ETFB: variants seen among roughly 807,000 people sequenced by gnomAD.
ETFB encodes beta-ETF.
Under a neutral mutation model 25.6 loss-of-function variants are expected in ETFB, and 20 were observed. That is an observed-to-expected ratio of 0.78 (90% CI 0.55 to 1.14). The LOEUF is 1.14. ETFB is among the 50% of genes most tolerant of loss of function. The pLI is 0.00. For missense variants in ETFB, 286 were observed against 342.6 expected, an observed-to-expected ratio of 0.83 and a Z score of 1.30; for synonymous variants, 142 against 146.7, an observed-to-expected ratio of 0.97 and a Z score of 0.23.
chr19:51,355,934 G>C (rs1372977946), intron 1 of ETFB: 2 of 114,620 alleles, frequency 1.7e-5, no homozygotes, highest in Admixed American at 2.1e-4. Context: ...ACACACCGGG[G>C]ACTGTCGTGG....
rs147069141 is a variant in ETFB, at chr19:51,354,120, G to A, written c.216+30C>T. 3.6e-4 allele frequency: 575 copies of A among 1,609,312 alleles called. 12 individuals carry two copies. The East Asian group carries it at 0.011, about 32-fold the overall frequency. ...AGCCCCTCCTCCGTCAGACCCAGGAGTCCAGCCCCCTCCCCAAGACCTTCA... is the reference window on the plus strand; with the variant it reads ...AGCCCCTCCTCCGTCAGACCCAGGAATCCAGCCCCCTCCCCAAGACCTTCA... On this transcript the variant is annotated intron_variant, in intron 2 of 5. Coordinates refer to ENST00000309244, the MANE Select transcript of ETFB (RefSeq NM_001985.3).
Position 51,366,384 on chromosome 19 carries a change from G to GGCCCCCCCCC in ETFB, c.-59_-58insGGGGGGGGGC. The GGCCCCCCCCC allele has an allele frequency of 2.0e-6, 3 of 1,525,620 alleles. No individual in the cohort carries two copies. Among genetic ancestry groups the GGCCCCCCCCC allele is most frequent in the Non-Finnish European group, 1.8e-6 (2 of 1,120,120 alleles). The allele number at this position is 1,525,620 out of a possible 1,614,324, so 94.5% of individuals were successfully genotyped here. A position where few individuals can be genotyped will look rare whatever the true frequency, so the allele number is the denominator to read the frequency against. On this transcript the variant is annotated 5_prime_UTR_variant, in exon 1 of 6. Coordinates refer to ENST00000309244, the MANE Select transcript of ETFB (RefSeq NM_001985.3). ...GCACCCTCAGCGGCTCAGTCCAGAA[G>GGCCCCCCCCC]CCCCACCACCCCCGCCCCCCGCGCC...
In ETFB at chr19:51,346,885, T is replaced by A. The variant is rs1985799576; in HGVS notation, c.597+15A>T. The A allele has an allele frequency of 1.3e-6, 2 of 1,547,074 alleles. No individual in the cohort carries two copies. The highest frequency in any genetic ancestry group is 2.7e-5 in the African/African-American group (2 of 73,186). Reference sequence around the variant, plus strand: ...CCACCCCCAGGCCCTCAGTGCCCGCTGGCCAGGGGCTCACCATGATGTTGG... The same window carrying A: ...CCACCCCCAGGCCCTCAGTGCCCGCAGGCCAGGGGCTCACCATGATGTTGG... On this transcript the variant is annotated intron_variant, in intron 5 of 5. Transcript: ENST00000309244.
chr19:51,346,833 G>C (rs1985796559), intron 5 of ETFB, 67 bp downstream of exon 5: 2 of 1,476,498 alleles, frequency 1.4e-6, no homozygotes, highest in African/African-American at 2.8e-5. Context: ...GCGACCACCG[G>C]GGGGCACTGG....
In ETFB at chr19:51,345,220, C is replaced by G; in HGVS notation, c.759G>C (p.Gly253=). 1 of 1,614,186 alleles carries G rather than the reference C, an allele frequency of 6.2e-7. No homozygotes were observed. The highest frequency in any genetic ancestry group is 8.5e-7 in the Non-Finnish European group (1 of 1,180,028). Residue 253 remains glycine (G), a synonymous_variant, in exon 6 of 6, where the codon GGG becomes GGC. Transcript: ENST00000309244. ...CATCTCTGGGAGGGGCTCAAATCCG[C>G]CCAATCTCCTTCAGCTTGGCCACCA... ...EDLVAKLKEI[G]RI is the part of the protein sequence containing the mutation.
chr19:51,348,680 G>A (rs1286235361), intron 4 of ETFB: 1 of 117,896 alleles, frequency 8.5e-6, no homozygotes, highest in Non-Finnish European at 1.7e-5. Context: ...ACTCAACGAA[G>A]CTGTTTAAAA....
At position 51,347,149 on chromosome 19, in the gene ETFB, G is replaced by A. The variant is rs182596750; in HGVS notation, c.439-91C>T. On this transcript the variant is annotated intron_variant, in intron 4 of 5. Coordinates refer to ENST00000309244, the MANE Select transcript of ETFB (RefSeq NM_001985.3). The stretch of plus-strand genomic sequence containing the variant: ...TTATGCCACTACTGAGTACACGCAT[G>A]GACTAGTGAATGAATGAGGGAGCGA... 180 of 1,292,792 alleles carry A rather than the reference G, an allele frequency of 1.4e-4. 2 individuals carry two copies. The East Asian group carries it at 4.2e-3, about 30-fold the overall frequency. 80.1% of individuals were successfully genotyped at this position (1,292,792 alleles called of 1,614,324 possible). A position where few individuals can be genotyped will look rare whatever the true frequency, so the allele number is the denominator to read the frequency against.
At chr19:51,349,872 G>A (rs971081826) in intron 4 of ETFB, among the ~76,000 whole-genome samples, 2 of 150,648 alleles carry the variant, frequency 1.3e-5, no homozygotes, top group South Asian at 2.1e-4. Flanking sequence ...TCAGCCCCCT[G>A]AGTAGCTGAG....
chr19:51,358,170 G>A (rs1459074786), intron 1 of ETFB, among the ~76,000 whole-genome samples: 1 of 152,200 alleles, frequency 6.6e-6, no homozygotes, highest in Non-Finnish European at 1.5e-5. Context: ...CGCCACCCAG[G>A]GCTTGGCCAG....
rs997621959 is a variant in ETFB at position 51,346,824 on chromosome 19, C to T, written c.597+76G>A. 76 of 1,431,684 alleles carry T rather than the reference C, an allele frequency of 5.3e-5. No individual in the cohort carries two copies. In the Admixed American group the frequency reaches 6.2e-4, roughly 12 times the overall value. 88.7% of individuals were successfully genotyped at this position (1,431,684 alleles called of 1,614,324 possible). A position where few individuals can be genotyped will look rare whatever the true frequency, so the allele number is the denominator to read the frequency against. ...CTTTGGATCCTTCCCTCCCCACGTG[C>T]GACCACCGGGGGGCACTGGGCTGGC... On this transcript the variant is annotated intron_variant, in intron 5 of 5. Coordinates refer to ENST00000309244, the MANE Select transcript of ETFB (RefSeq NM_001985.3).
intron 3 of ETFB, among the ~76,000 whole-genome samples, chr19:51,352,350 C>T (rs1344170737): frequency 6.6e-6 from 1 of 152,166 alleles, no homozygotes; most frequent in Non-Finnish European, 1.5e-5. Flanking sequence ...GAACCTGCAT[C>T]GATGTCTCCT....
At chr19:51,354,456 C>A in intron 1 of ETFB, 148 bp from the exon 2 acceptor site, 1 of 1,614,024 alleles carries the variant, frequency 6.2e-7, no homozygotes, top group Non-Finnish European at 8.5e-7. Flanking sequence ...GCTCCAGGGA[C>A]AGAACTGGGT....
chr19:51,355,796 C>T (rs1290187792), intron 1 of ETFB: 2 of 151,672 alleles, frequency 1.3e-5, no homozygotes, highest in African/African-American at 2.4e-5. Context: ...TTTGTAGGGA[C>T]ATGGATGAAG....
intron 1 of ETFB, 190 bp from the exon 2 acceptor site, chr19:51,354,498 T>A (rs1217495514): frequency 5.0e-6 from 8 of 1,614,026 alleles, no homozygotes; most frequent in Admixed American, 1.7e-5. Flanking sequence ...GGTCACCCTG[T>A]CTCCTTCTCT....
At chr19:51,360,482 T>C (rs1181028422) in intron 1 of ETFB, among the ~76,000 whole-genome samples, 1 of 152,178 alleles carries the variant, frequency 6.6e-6, no homozygotes, top group African/African-American at 2.4e-5. Context: ...GGGTTTTATA[T>C]GCATTAACTC....
At chr19:51,347,215 A>C in intron 4 of ETFB, 157 bp from the exon 5 acceptor site, 1 of 727,226 alleles carries the variant, frequency 1.4e-6, no homozygotes, top group Non-Finnish European at 2.3e-6. Context: ...GAGCTTGTAC[A>C]CCTGGGAGAG....
rs1468207252 is a variant in ETFB at position 51,358,831 on chromosome 19, C to A, written c.58-4523G>T. Among the ~76,000 whole-genome samples, 67 of 134,168 alleles carry A rather than the reference C, an allele frequency of 5.0e-4. No individual in the cohort carries two copies. In the South Asian group the frequency reaches 5.4e-3, roughly 11 times the overall value. The allele number at this position is 134,168 out of a possible 152,430, so 88.0% of individuals were successfully genotyped here. On this transcript the variant is annotated intron_variant, in intron 1 of 5. Coordinates refer to ENST00000309244, the MANE Select transcript of ETFB (RefSeq NM_001985.3). ...CTCAAAACAAACAAACAAACAACAA[C>A]AAAAAAAAAAAAAAAAAAACAGCCA...
In ETFB at chr19:51,354,307, A is replaced by T. The variant is rs746284138; in HGVS notation, c.59T>A (p.Ile20Asn). The change falls in exon 2 of 6, where the codon ATC becomes AAC. Residue 20 changes from isoleucine to asparagine, a missense_variant and splice_region_variant. By Grantham distance (149) the Ile-to-Asn change is moderately radical (BLOSUM62 -3). Transcript: ENST00000309244. ...VKRVIDYAVK[I>N]RVKPDRTGVV... ...ACCGGTCCTGTCAGGCTTCACTCGG[A>T]TCTGCCCAGCAGGAGGGGAAGGGGT... is the stretch of plus-strand genomic sequence containing the variant. The T allele has an allele frequency of 6.2e-7, 1 of 1,614,114 alleles. No individual in the cohort carries two copies. The highest frequency in any genetic ancestry group is 8.5e-7 in the Non-Finnish European group (1 of 1,180,026).
chr19:51,356,209 A>G (rs1345905286), intron 1 of ETFB: 4 of 151,878 alleles, frequency 2.6e-5, no homozygotes, highest in African/African-American at 9.7e-5. Context: ...TCTTTTGCTT[A>G]TTAAACTTTC....
Sources: gnomAD v4.1 joint callset for allele counts (sites outside exome capture counted in the v4.1 genomes callset) on GRCh38, gnomAD v4.1.1 for gene constraint, MANE v1.5 for transcripts, NCBI Gene and HGNC (gene_info 2026-07-23, HGNC 2026-07-21) for gene names.